Variants in PARD3B observed in about 807,000 individuals in gnomAD.
PARD3B encodes par-3 family cell polarity regulator beta.
In PARD3B, 103 loss-of-function variants were observed where a neutral mutation model predicts 130.2. The ratio of observed to expected loss-of-function variants is 0.79; its 90% CI spans 0.67 to 0.93. The LOEUF is 0.93. Among genes scored for constraint, PARD3B ranks in the 40% least tolerant of loss-of-function variants. The probability of loss-of-function intolerance (pLI) is 0.00; values close to 1 mark genes in which losing one functional copy is unlikely to be tolerated. For missense variants in PARD3B, 1,609 were observed against 1,499.2 expected (o/e 1.07, Z -1.21); for synonymous variants, 583 against 553.2 (o/e 1.05, Z -0.76).
At chr2:204,821,403 A>G (rs534427066) in intron 2 of PARD3B, among the ~76,000 whole-genome samples, 2 of 152,264 alleles carry the variant, frequency 1.3e-5, no homozygotes, top group South Asian at 2.1e-4. Flanking sequence ...CTTTGTAGGG[A>G]CATGGATGAA....
In PARD3B at chr2:205,343,460, T is replaced by G. The variant is rs114025580; in HGVS notation, c.2630+41759T>G. ...TGCCTTCAGACATGCTTTGCTATCATTGCTTCAAACACGTAACTTCAGATC... is the reference window on the plus strand; with the variant it reads ...TGCCTTCAGACATGCTTTGCTATCAGTGCTTCAAACACGTAACTTCAGATC... On this transcript the variant is annotated intron_variant, in intron 18 of 22. Transcript: ENST00000406610. Among the ~76,000 whole-genome samples, 968 of 152,330 alleles carry G rather than the reference T, an allele frequency of 6.4e-3. 7 individuals carry two copies. The highest frequency in any genetic ancestry group is 0.022 in the African/African-American group (928 of 41,568).
At chr2:204,652,791 A>T (rs890202815) in intron 1 of PARD3B, among the ~76,000 whole-genome samples, 1 of 151,574 alleles carries the variant, frequency 6.6e-6, no homozygotes, top group Non-Finnish European at 1.5e-5. Flanking sequence ...GGAAGCATGA[A>T]TGGGAGGACT....
At chr2:204,671,794 CTT>C (rs2036314241) in intron 1 of PARD3B, among the ~76,000 whole-genome samples, 2 of 152,016 alleles carry the variant, frequency 1.3e-5, no homozygotes, top group African/African-American at 4.8e-5. Context: ...AAAGATGAAA[CTT>C]ATTTTCTTTC....
At chr2:204,791,579 T>G (rs1057031124) in intron 2 of PARD3B, among the ~76,000 whole-genome samples, 1 of 152,230 alleles carries the variant, frequency 6.6e-6, no homozygotes, top group Non-Finnish European at 1.5e-5. Context: ...GAGGCTTACT[T>G]TGCTGTTGAA....
intron 20 of PARD3B, among the ~76,000 whole-genome samples, chr2:205,453,407 G>A (rs1419688244): frequency 1.3e-5 from 2 of 152,176 alleles, no homozygotes; most frequent in Non-Finnish European, 2.9e-5. Context: ...TTAAAGGCCA[G>A]ATAATCTAAG....
intron 2 of PARD3B, among the ~76,000 whole-genome samples, chr2:204,820,724 A>G (rs1474375462): frequency 6.6e-6 from 1 of 152,088 alleles, no homozygotes; most frequent in Non-Finnish European, 1.5e-5. Context: ...CTGAGGCAGG[A>G]GAATCACTTA....
chr2:205,365,181 CAA>C (rs1375120668), intron 18 of PARD3B, among the ~76,000 whole-genome samples: 10 of 123,288 alleles, frequency 8.1e-5, no homozygotes, highest in Non-Finnish European at 1.6e-5. Context: ...GCCTGGGAGA[CAA>C]GAGTAAAACT....
intron 21 of PARD3B, among the ~76,000 whole-genome samples, chr2:205,506,393 G>T (rs1003234208): frequency 6.6e-6 from 1 of 152,140 alleles, no homozygotes; most frequent in African/African-American, 2.4e-5. Context: ...GGTTGGCTCA[G>T]GTAGATCATA....
chr2:205,514,790 A>G (rs930726130), intron 21 of PARD3B, among the ~76,000 whole-genome samples: 3 of 149,768 alleles, frequency 2.0e-5, no homozygotes, highest in African/African-American at 7.3e-5. Context: ...CTTTTATTTT[A>G]TATTTAACAA....
intron 1 of PARD3B, among the ~76,000 whole-genome samples, chr2:204,568,465 A>G (rs1398064882): frequency 6.6e-6 from 1 of 152,230 alleles, no homozygotes; most frequent in Non-Finnish European, 1.5e-5. Context: ...TACTTTTCTG[A>G]CAATAGGAAT....
At chr2:204,964,906 TG>T in intron 2 of PARD3B, among the ~76,000 whole-genome samples, 1 of 152,138 alleles carries the variant, frequency 6.6e-6, no homozygotes, top group Non-Finnish European at 1.5e-5. Context: ...GGGCCAAAAT[TG>T]GTTCTATTTT....
At chr2:205,219,304 A>G (rs1019136855) in intron 15 of PARD3B, among the ~76,000 whole-genome samples, 1 of 152,214 alleles carries the variant, frequency 6.6e-6, no homozygotes, top group Non-Finnish European at 1.5e-5. Flanking sequence ...AGTATAAAAT[A>G]CCAGATGAGT....
At chr2:205,416,289 T>C (rs1248844637) in intron 19 of PARD3B, among the ~76,000 whole-genome samples, 2 of 152,116 alleles carry the variant, frequency 1.3e-5, no homozygotes, top group African/African-American at 4.8e-5. Flanking sequence ...GGCTTAATAG[T>C]GTCTGGTAAT....
rs936986700 is a variant in PARD3B at position 205,589,268 on chromosome 2, G to A, written c.3261-26188G>A. Among the ~76,000 whole-genome samples, 3 of 152,220 alleles carry A rather than the reference G, an allele frequency of 2.0e-5. No homozygotes were observed. Among genetic ancestry groups the A allele is most frequent in the Non-Finnish European group, 4.4e-5 (3 of 68,034 alleles). ...ATCGCACCACTGCCCTGCAGCCTGGGTGGTGAAGCGAGACCCTGTCTCAAT... is the reference window on the plus strand; with the variant it reads ...ATCGCACCACTGCCCTGCAGCCTGGATGGTGAAGCGAGACCCTGTCTCAAT... On this transcript the variant is annotated intron_variant, in intron 22 of 22. Transcript: ENST00000406610. This position sits in a 1 kb window ranked among gnomAD's most constrained non-coding sequence, Gnocchi z 4.1.
At chr2:204,622,805 C>A (rs1335193575) in intron 1 of PARD3B, among the ~76,000 whole-genome samples, 1 of 152,096 alleles carries the variant, frequency 6.6e-6, no homozygotes, top group African/African-American at 2.4e-5. Context: ...TTATATTCAA[C>A]AAATTCTGTT....
intron 2 of PARD3B, among the ~76,000 whole-genome samples, chr2:204,698,134 T>G (rs1266131113): frequency 6.6e-6 from 1 of 152,104 alleles, no homozygotes; most frequent in Non-Finnish European, 1.5e-5. Context: ...GGCCATGTAT[T>G]GCCTTACATT....
intron 4 of PARD3B, among the ~76,000 whole-genome samples, chr2:205,081,429 A>G (rs751818655): frequency 2.6e-5 from 4 of 151,946 alleles, no homozygotes; most frequent in African/African-American, 4.8e-5. Context: ...CTTTTTTGCT[A>G]TGATGCTAAG....
At position 205,176,653 on chromosome 2, in the gene PARD3B, A is replaced by AAAAGAGT; in HGVS notation, c.1924+79_1924+80insGAGTAAA. On this transcript the variant is annotated intron_variant, in intron 13 of 22. Coordinates refer to ENST00000406610, the MANE Select transcript of PARD3B (RefSeq NM_001302769.2). This position sits in a 1 kb window ranked among gnomAD's most constrained non-coding sequence, Gnocchi z 5.3. ...AGTGTCTTTTTATCTAAAAAAAAAA[A>AAAAGAGT]AAAAGAGTAAAGGGGAGTTAATTAG... is the stretch of plus-strand genomic sequence containing the variant. The AAAAGAGT allele has an allele frequency of 1.4e-6, 2 of 1,417,854 alleles. No individual in the cohort carries two copies. 87.8% of individuals were successfully genotyped at this position (1,417,854 alleles called of 1,614,324 possible).
At chr2:205,348,418 T>C (rs1305707604) in intron 18 of PARD3B, among the ~76,000 whole-genome samples, 1 of 152,222 alleles carries the variant, frequency 6.6e-6, no homozygotes, top group Non-Finnish European at 1.5e-5. Flanking sequence ...GATGAAGCTC[T>C]CAATACCTGA....
Sources: allele counts gnomAD v4.1 joint callset (sites outside exome capture counted in the v4.1 genomes callset), GRCh38; gene constraint gnomAD v4.1.1; non-coding constraint Gnocchi (gnomAD v3.1); transcripts MANE v1.5; gene names NCBI Gene and HGNC (gene_info 2026-07-23, HGNC 2026-07-21).